The following GPALPP1 variants were observed in gnomAD, a reference collection of about 807,000 sequenced individuals.
GPALPP1 encodes the protein GPALPP motifs containing 1, also known as GPALPP motifs-containing protein 1.
Under a neutral mutation model 38.9 loss-of-function variants are expected in GPALPP1, and 30 were observed. The observed-to-expected ratio is 0.77, with a 90% confidence interval of 0.58 to 1.05. The LOEUF (loss-of-function observed/expected upper bound fraction) is 1.05. Among genes scored for constraint, GPALPP1 ranks in the 50% least tolerant of loss-of-function variants. The pLI is 0.00. For synonymous variants in GPALPP1, 120 were observed against 139.2 expected, an observed-to-expected ratio of 0.86 and a Z score of 0.97; for missense variants, 384 against 408.8, an observed-to-expected ratio of 0.94 and a Z score of 0.52.
chr13:45,015,563 A>G lies in GPALPP1; in HGVS notation c.672A>G (p.Thr224=). 6.4e-7 allele frequency: 1 copy of G among 1,574,464 alleles called. No individual in the cohort carries two copies. The highest frequency in any genetic ancestry group is 1.8e-5 in the Admixed American group (1 of 54,254). ...DDTSGDRSIW[T]DTPADRERKA... is the part of the protein sequence containing the mutation. ...CATCTGGAGATCGATCAATCTGGACAGATACTCCAGCTGATAGGGAAAGGA... is the reference window on the plus strand; with the variant it reads ...CATCTGGAGATCGATCAATCTGGACGGATACTCCAGCTGATAGGGAAAGGA... The change falls in exon 6 of 8, where the codon ACA becomes ACG. Residue 224 remains threonine (T), a synonymous_variant. Transcript: ENST00000379151.
At chr13:45,020,224 G>C (rs1457076544) in intron 6 of GPALPP1, 106 bp from the exon 7 acceptor site, 2 of 552,782 alleles carry the variant, frequency 3.6e-6, no homozygotes, top group African/African-American at 4.0e-5. Flanking sequence ...CACAAACCTG[G>C]CTTAGTTGTG....
intron 1 of GPALPP1, chr13:44,990,544 T>C (rs1212667460): frequency 6.6e-6 from 1 of 152,264 alleles, no homozygotes; most frequent in Admixed American, 6.5e-5. Context: ...CACTATGGTC[T>C]TCTACCTGAA....
At chr13:44,992,439 A>T (rs916376687) in intron 1 of GPALPP1, among the ~76,000 whole-genome samples, 3 of 152,118 alleles carry the variant, frequency 2.0e-5, no homozygotes, top group African/African-American at 7.2e-5. Flanking sequence ...TCATGTTGGT[A>T]TGTTTTGATT....
intron 1 of GPALPP1, among the ~76,000 whole-genome samples, chr13:44,995,062 G>C (rs778131281): frequency 6.6e-6 from 1 of 152,128 alleles, no homozygotes; most frequent in South Asian, 2.1e-4. Context: ...ATGTTGGTCA[G>C]GCTGGTCTTG....
At chr13:45,015,377 C>G in intron 5 of GPALPP1, 55 bp from the exon 6 acceptor site, 2 of 1,091,066 alleles carry the variant, frequency 1.8e-6, no homozygotes, top group Non-Finnish European at 2.6e-6. Context: ...TATATATGTA[C>G]TCATCTTATA....
chr13:45,003,870 AT>A (rs80086402), intron 1 of GPALPP1, among the ~76,000 whole-genome samples: 143 of 146,046 alleles, frequency 9.8e-4, no homozygotes, highest in East Asian at 2.4e-3. Flanking sequence ...GCCAGGAAAG[AT>A]TTTTTTTTTT....
chr13:45,008,002 G>A (rs1332376465), intron 3 of GPALPP1, among the ~76,000 whole-genome samples: 2 of 152,096 alleles, frequency 1.3e-5, no homozygotes, highest in African/African-American at 2.4e-5. Context: ...TGGCAGTAGG[G>A]CAGCTGGAAA....
At chr13:45,020,034 G>A (rs548683171) in intron 6 of GPALPP1, among the ~76,000 whole-genome samples, 4 of 151,714 alleles carry the variant, frequency 2.6e-5, no homozygotes, top group Admixed American at 6.6e-5. Flanking sequence ...ACAGGCACCC[G>A]CCACCATGCC....
chr13:45,034,227 G>T (rs1256249465), downstream of GPALPP1: 1 of 152,198 alleles, frequency 6.6e-6, no homozygotes, highest in Non-Finnish European at 1.5e-5. Context: ...CTTCCTCCCT[G>T]GGAGAAGATT....
At chr13:45,027,750 T>C in intron 7 of GPALPP1, 35 bp from the exon 8 acceptor site, 1 of 972,742 alleles carries the variant, frequency 1.0e-6, no homozygotes, top group Non-Finnish European at 1.6e-6. Flanking sequence ...ATATACAAAC[T>C]ATAGTTTTTA....
chr13:44,996,488 G>C (rs1330266459), intron 1 of GPALPP1, among the ~76,000 whole-genome samples: 1 of 101,922 alleles, frequency 9.8e-6, no homozygotes, highest in Non-Finnish European at 2.7e-5. Context: ...CTGGGAACGG[G>C]ATTTTTTTTT....
intron 6 of GPALPP1, among the ~76,000 whole-genome samples, chr13:45,018,345 C>T (rs1481952058): frequency 2.0e-5 from 3 of 150,928 alleles, no homozygotes; most frequent in African/African-American, 4.9e-5. Flanking sequence ...TGCAGTGAGC[C>T]GAGATTGTGC....
chr13:44,992,900 T>G (rs1242936919), intron 1 of GPALPP1, among the ~76,000 whole-genome samples: 1 of 152,198 alleles, frequency 6.6e-6, no homozygotes, highest in Non-Finnish European at 1.5e-5. Flanking sequence ...CTAGAACTAT[T>G]TTCATCTTGC....
At chr13:44,996,630 G>T (rs537357974) in intron 1 of GPALPP1, among the ~76,000 whole-genome samples, 18 of 151,826 alleles carry the variant, frequency 1.2e-4, no homozygotes, top group Non-Finnish European at 2.1e-4. Context: ...TTACGGGGAT[G>T]CACCCTCACA....
Position 45,027,916 on chromosome 13 carries a change from T to C in GPALPP1, c.936T>C (p.Phe312=). 6.2e-7 allele frequency: 1 copy of C among 1,611,456 alleles called. No individual in the cohort carries two copies. Among genetic ancestry groups the C allele is most frequent in the Non-Finnish European group, 8.5e-7 (1 of 1,177,740 alleles). ...DRDKDLKVNR[F]DEAQKKALIK... is the part of the protein sequence containing the mutation. ...ATAAAGATCTCAAGGTTAATCGGTT[T>C]GATGAAGCTCAGAAAAAAGCCCTAA... The change falls in exon 8 of 8, where the codon TTT becomes TTC. Residue 312 remains phenylalanine, a synonymous_variant. Coordinates refer to ENST00000379151, the MANE Select transcript of GPALPP1 (RefSeq NM_018559.5).
In GPALPP1 at chr13:44,989,596, T is replaced by A. The variant is rs1566068243; in HGVS notation, c.-59T>A. 1 of 1,515,560 alleles carries A rather than the reference T, an allele frequency of 6.6e-7. No individual in the cohort carries two copies. The highest frequency in any genetic ancestry group is 9.1e-7 in the Non-Finnish European group (1 of 1,097,396). 93.9% of individuals were successfully genotyped at this position (1,515,560 alleles called of 1,614,324 possible). On this transcript the variant is annotated 5_prime_UTR_variant, in exon 1 of 8. Coordinates refer to ENST00000379151, the MANE Select transcript of GPALPP1 (RefSeq NM_018559.5). ...TCGCTGCTGATCGCGGGATTCTTTT[T>A]GGATAGGGTTGACGTTCGTGGATAG...
intron 7 of GPALPP1, among the ~76,000 whole-genome samples, chr13:45,024,365 T>C (rs933394245): frequency 1.3e-5 from 2 of 151,426 alleles, no homozygotes; most frequent in Admixed American, 1.3e-4. Context: ...AGTGGCGCGA[T>C]CTCGGCTTAC....
At chr13:45,017,998 CTT>C (rs1697342792) in intron 6 of GPALPP1, among the ~76,000 whole-genome samples, 1 of 152,144 alleles carries the variant, frequency 6.6e-6, no homozygotes, top group Non-Finnish European at 1.5e-5. Context: ...ATATTTCCTT[CTT>C]GATAGGTTCC....
At chr13:44,994,650 T>C (rs1873113911) in intron 1 of GPALPP1, among the ~76,000 whole-genome samples, 1 of 152,208 alleles carries the variant, frequency 6.6e-6, no homozygotes, top group Non-Finnish European at 1.5e-5. Flanking sequence ...AACTTCATCT[T>C]GGGATTCAGG....
Sources: gnomAD v4.1 joint callset for allele counts (sites outside exome capture counted in the v4.1 genomes callset) on GRCh38, gnomAD v4.1.1 for gene constraint, MANE v1.5 for transcripts, NCBI Gene and HGNC (gene_info 2026-07-23, HGNC 2026-07-21) for gene names.